Variants in SLC25A43 observed in about 807,000 individuals in gnomAD.
SLC25A43 encodes the protein solute carrier family 25 member 43.
Under a neutral mutation model 22.8 loss-of-function variants are expected in SLC25A43, and 10 were observed. The ratio of observed to expected loss-of-function variants is 0.44; its 90% confidence interval spans 0.27 to 0.74. The LOEUF is 0.74. Ranked by LOEUF, SLC25A43 falls within the 30% of genes least tolerant of loss-of-function variation. The pLI, the probability that SLC25A43 is intolerant of heterozygous loss-of-function variation, is 0.17. For synonymous variants in SLC25A43, 106 were observed against 121.6 expected, an observed-to-expected ratio of 0.87 and a Z score of 0.84; for missense variants, 233 against 279.1, an observed-to-expected ratio of 0.83 and a Z score of 1.18.
At chrX:119,448,562 C>A (rs2052684112) in intron 3 of SLC25A43, among the ~76,000 whole-genome samples, 1 of 111,322 alleles carries the variant, frequency 9.0e-6, no homozygotes, top group Non-Finnish European at 1.9e-5. Context: ...CCCGGACATG[C>A]TCCTGTCCCA....
At chrX:119,412,677 A>C (rs2052360870) in intron 3 of SLC25A43, among the ~76,000 whole-genome samples, 1 of 112,125 alleles carries the variant, frequency 8.9e-6, no homozygotes, top group Non-Finnish European at 1.9e-5. Context: ...GGCCCAGCCA[A>C]CATTTGGCTT....
intron 1 of SLC25A43, among the ~76,000 whole-genome samples, chrX:119,404,267 C>T (rs2052267087): frequency 9.0e-6 from 1 of 111,543 alleles, no homozygotes; most frequent in Non-Finnish European, 1.9e-5. Flanking sequence ...TCCCAAAGTG[C>T]TGGGATTACA....
At chrX:119,412,399 G>C (rs2052358163) in intron 3 of SLC25A43, among the ~76,000 whole-genome samples, 1 of 106,476 alleles carries the variant, frequency 9.4e-6, no homozygotes, top group East Asian at 2.9e-4. Flanking sequence ...TTGAGAGACA[G>C]AGTCTCACTC....
At chrX:119,445,275 G>A (rs138890249) in intron 3 of SLC25A43, among the ~76,000 whole-genome samples, 6,342 of 110,612 alleles carry the variant, frequency 0.057, 172 homozygotes, top group South Asian at 0.11. Flanking sequence ...TAATAAAATG[G>A]AGTGTCTTTC....
chrX:119,447,354 G>A (rs759493024), intron 3 of SLC25A43, among the ~76,000 whole-genome samples: 1 of 111,521 alleles, frequency 9.0e-6, no homozygotes, highest in African/African-American at 3.3e-5. Context: ...CGCCCAGGCT[G>A]GAGTACAGTG....
At chrX:119,406,899 C>A (rs755799661) in intron 2 of SLC25A43, among the ~76,000 whole-genome samples, 198 bp downstream of exon 2, 1 of 112,882 alleles carries the variant, frequency 8.9e-6, no homozygotes, top group Non-Finnish European at 1.9e-5. Context: ...GTTACATCCC[C>A]GGGAGGGGAG....
intron 2 of SLC25A43, among the ~76,000 whole-genome samples, chrX:119,409,333 TCCACGCCCAGTTACTTTTTG>T (rs2052327252): frequency 9.2e-6 from 1 of 108,121 alleles, no homozygotes; most frequent in African/African-American, 3.4e-5. Context: ...GGCACGCACC[TCCACGCCCAGTTACTTTTTG>T]TATTTTTAGT....
chrX:119,399,593 G>A lies in SLC25A43; in HGVS notation c.190G>A (p.Gly64Arg). The A allele has an allele frequency of 9.6e-7, 1 of 1,038,580 alleles. No homozygotes were observed. Among genetic ancestry groups the A allele is most frequent in the Admixed American group, 4.4e-5 (1 of 22,809 alleles). The allele number at this position is 1,038,580 out of a possible 1,213,427, so 85.6% of individuals were successfully genotyped here. ...AGGGCACCGGGTGTGGCGGGCAGAG[G>A]GGCTCCGGGCCCTGTGGAAGGGGAA... ...ATGHRVWRAE[G>R]LRALWKGNAV... Residue 64 changes from glycine (G) to arginine (R), a missense_variant, in exon 1 of 5, where the codon GGG (glycine) becomes AGG (arginine). Coordinates refer to ENST00000217909, the MANE Select transcript of SLC25A43 (RefSeq NM_145305.3).
chrX:119,429,423 C>T (rs2052535450), intron 3 of SLC25A43, among the ~76,000 whole-genome samples: 2 of 112,137 alleles, frequency 1.8e-5, no homozygotes, highest in Admixed American at 9.5e-5. Flanking sequence ...AAAACGTTGC[C>T]TCTGTTGGAA....
At chrX:119,443,624 G>C (rs767050501) in intron 3 of SLC25A43, among the ~76,000 whole-genome samples, 1 of 110,332 alleles carries the variant, frequency 9.1e-6, no homozygotes, top group East Asian at 2.8e-4. Flanking sequence ...TCCATTTCAT[G>C]TTCTGTTTCT....
chrX:119,430,932 A>T (rs915696893), intron 3 of SLC25A43, among the ~76,000 whole-genome samples: 1 of 111,918 alleles, frequency 8.9e-6, no homozygotes, highest in Admixed American at 9.5e-5. Context: ...TTCAGTGTAC[A>T]TGCTTTGGCA....
At chrX:119,407,462 G>C (rs2052308793) in intron 2 of SLC25A43, among the ~76,000 whole-genome samples, 1 of 111,524 alleles carries the variant, frequency 9.0e-6, no homozygotes, top group Admixed American at 9.6e-5. Context: ...GCCAACTTTT[G>C]GGGGGAAGTA....
At chrX:119,405,892 C>T (rs113371668) in intron 1 of SLC25A43, among the ~76,000 whole-genome samples, 2,245 of 111,665 alleles carry the variant, frequency 0.02, 60 homozygotes, top group African/African-American at 0.068. Flanking sequence ...ATTAGCTGGG[C>T]ATGGTGGCGT....
chrX:119,431,106 A>G (rs776893365), intron 3 of SLC25A43, among the ~76,000 whole-genome samples: 7 of 112,366 alleles, frequency 6.2e-5, no homozygotes, highest in Non-Finnish European at 1.1e-4. Flanking sequence ...CTGTGATTTT[A>G]GAGACTGGCG....
chrX:119,417,147 G>A (rs2052409000), intron 3 of SLC25A43, among the ~76,000 whole-genome samples: 1 of 110,641 alleles, frequency 9.0e-6, no homozygotes, highest in Non-Finnish European at 1.9e-5. Flanking sequence ...GCCAGGTGCG[G>A]TGGCTCACAT....
rs778869793 is a variant in SLC25A43, at chrX:119,410,357, A to T, written c.685A>T (p.Met229Leu). The change falls in exon 3 of 5, where the codon ATG becomes TTG. Residue 229 changes from methionine (M) to leucine (L), a missense_variant. Physicochemically the swap from Met to Leu is conservative, Grantham distance 15 (BLOSUM62 2). Coordinates refer to ENST00000217909, the MANE Select transcript of SLC25A43 (RefSeq NM_145305.3). Reference protein sequence around the residue: ...SFPFETVKRKMQAQSPYLPHS... With the variant: ...SFPFETVKRKLQAQSPYLPHS... The stretch of plus-strand genomic sequence containing the variant: ...TCCCTTTGAGACCGTGAAGAGAAAG[A>T]TGCAGGTGAGGAGTTATCAGAGTGG... 8.3e-7 allele frequency: 1 copy of T among 1,211,279 alleles called. No individual in the cohort carries two copies. Among genetic ancestry groups the T allele is most frequent in the East Asian group, 3.0e-5 (1 of 33,836 alleles).
chrX:119,443,448 CTT>C (rs370848437), intron 3 of SLC25A43, among the ~76,000 whole-genome samples: 60 of 72,589 alleles, frequency 8.3e-4, no homozygotes, highest in African/African-American at 2.6e-3. Flanking sequence ...CTCTCTCTCT[CTT>C]TTTTTTTTTT....
intron 3 of SLC25A43, among the ~76,000 whole-genome samples, chrX:119,424,228 G>C (rs1383498959): frequency 1.9e-5 from 2 of 106,666 alleles, no homozygotes; most frequent in Non-Finnish European, 3.9e-5. Flanking sequence ...AAAAAAAAAA[G>C]AAAGAAATTA....
At chrX:119,405,595 CAAAAAAAA>C (rs56389948) in intron 1 of SLC25A43, among the ~76,000 whole-genome samples, 8 of 51,167 alleles carry the variant, frequency 1.6e-4, no homozygotes, top group East Asian at 1.0e-3. Flanking sequence ...CCTATCTCTA[CAAAAAAAA>C]AAAAAAAAAA....
Sources: gnomAD v4.1 joint callset for allele counts (sites outside exome capture counted in the v4.1 genomes callset) on GRCh38, gnomAD v4.1.1 for gene constraint, MANE v1.5 for transcripts, NCBI Gene and HGNC (gene_info 2026-07-23, HGNC 2026-07-21) for gene names.